Variants in EFCAB6 observed in about 807,000 individuals in gnomAD.
EFCAB6 encodes the protein EF-hand calcium-binding domain-containing protein 6.
EFCAB6 carries 156 observed loss-of-function variants against 169.8 expected under a neutral mutation model. The observed-to-expected ratio is 0.92, with a 90% CI of 0.81 to 1.05. The LOEUF (loss-of-function observed/expected upper bound fraction) is 1.05. Among genes scored for constraint, EFCAB6 ranks in the 50% least tolerant of loss-of-function variants. The pLI is 0.00. For missense variants in EFCAB6, 1,800 were observed against 1,829.1 expected (o/e 0.98, Z 0.29); for synonymous variants, 698 against 676.4 (o/e 1.03, Z -0.50).
chr22:43,741,214 C>A (rs950332506), intron 6 of EFCAB6, among the ~76,000 whole-genome samples: 3 of 152,076 alleles, frequency 2.0e-5, no homozygotes, highest in East Asian at 1.9e-4. Flanking sequence ...CTCCCAGCCA[C>A]GGTCTCCGGG....
rs12160385 is a variant in EFCAB6, at chr22:43,667,043, T to C, written c.1983+61A>G. On this transcript the variant is annotated intron_variant, in intron 17 of 31. Transcript: ENST00000262726. ...TAAGCCATTGTCCTTTAAAGTATGT[T>C]AGTATAAGAAAACAGCTGAACTTCT... 2,423 of 1,553,710 alleles carry C rather than the reference T, an allele frequency of 1.6e-3. 33 individuals are homozygous for C. In the African/African-American group the frequency reaches 0.03, roughly 19 times the overall value.
intron 4 of EFCAB6, among the ~76,000 whole-genome samples, chr22:43,766,136 T>C (rs2061320487): frequency 6.6e-6 from 1 of 152,194 alleles, no homozygotes; most frequent in East Asian, 1.9e-4. Flanking sequence ...CCCCGGTTCA[T>C]GCAATTCTCC....
At chr22:43,761,988 G>T (rs1320165838) in intron 5 of EFCAB6, among the ~76,000 whole-genome samples, 1 of 152,144 alleles carries the variant, frequency 6.6e-6, no homozygotes, top group Non-Finnish European at 1.5e-5. Context: ...TGTGTGATCT[G>T]ATGTTACTTG....
At chr22:43,578,645 T>G (rs1259987738) in intron 25 of EFCAB6, among the ~76,000 whole-genome samples, 1 of 152,056 alleles carries the variant, frequency 6.6e-6, no homozygotes, top group South Asian at 2.1e-4. Context: ...ATTCCATACA[T>G]GTAGGCATCA....
intron 26 of EFCAB6, among the ~76,000 whole-genome samples, chr22:43,564,285 A>T (rs2049275624): frequency 6.6e-6 from 1 of 150,564 alleles, no homozygotes. Flanking sequence ...CCATCTCTAC[A>T]AAAAATACAA....
chr22:43,773,719 T>A (rs1267985367), intron 3 of EFCAB6, among the ~76,000 whole-genome samples: 1 of 152,174 alleles, frequency 6.6e-6, no homozygotes, highest in Non-Finnish European at 1.5e-5. Flanking sequence ...TGGTGGCACA[T>A]GCCTGTAATC....
intron 27 of EFCAB6, among the ~76,000 whole-genome samples, chr22:43,546,973 G>A (rs895652262): frequency 1.3e-5 from 2 of 152,020 alleles, no homozygotes; most frequent in Admixed American, 1.3e-4. Context: ...TAAAAACTGG[G>A]CGAACTTAAG....
chr22:43,632,596 G>A (rs551198990), intron 18 of EFCAB6, among the ~76,000 whole-genome samples: 7 of 152,272 alleles, frequency 4.6e-5, no homozygotes, highest in East Asian at 3.9e-4. Flanking sequence ...CACCACACCC[G>A]GCCCACTGGC....
intron 8 of EFCAB6, among the ~76,000 whole-genome samples, chr22:43,722,980 T>C (rs1475897522): frequency 1.3e-5 from 2 of 152,184 alleles, no homozygotes; most frequent in Non-Finnish European, 2.9e-5. Context: ...GCATGTTCTC[T>C]CTTATAAGTG....
chr22:43,592,242 G>A (rs1020674306), intron 23 of EFCAB6, among the ~76,000 whole-genome samples: 1 of 152,190 alleles, frequency 6.6e-6, no homozygotes, highest in Non-Finnish European at 1.5e-5. Context: ...CTGGCCTCCA[G>A]TTTGGAATTG....
rs1439151493 is a variant in EFCAB6 at position 43,744,649 on chromosome 22, G to A, written c.508-8656C>T. On this transcript the variant is annotated intron_variant, in intron 6 of 31. Transcript: ENST00000262726. The surrounding 1 kb of genome is among the most constrained non-coding windows in gnomAD (Gnocchi z 4.3). ...GCTGAGGGGGTCCAGAGGGGGCTAA[G>A]TCAGGGCTGATCTTCCTCAACAGGA... 6.6e-6 allele frequency among the ~76,000 whole-genome samples: 1 copy of A among 152,138 alleles called. No homozygotes were observed. The highest frequency in any genetic ancestry group is 1.5e-5 in the Non-Finnish European group (1 of 68,014).
chr22:43,638,457 C>A (rs1178950980), intron 17 of EFCAB6, among the ~76,000 whole-genome samples: 1 of 152,190 alleles, frequency 6.6e-6, no homozygotes, highest in Admixed American at 6.5e-5. Flanking sequence ...AGATTGTAGA[C>A]CGACTCTTCC....
intron 27 of EFCAB6, among the ~76,000 whole-genome samples, chr22:43,547,987 T>G (rs2048160251): frequency 6.6e-6 from 1 of 151,830 alleles, no homozygotes; most frequent in African/African-American, 2.4e-5. Context: ...TCCCAGCTAC[T>G]TGGGAGGCTG....
rs773845286 is a variant in EFCAB6, at chr22:43,744,484, C to T, written c.508-8491G>A. On this transcript the variant is annotated intron_variant, in intron 6 of 31. Coordinates refer to ENST00000262726, the MANE Select transcript of EFCAB6 (RefSeq NM_022785.4). This position sits in a 1 kb window ranked among gnomAD's most constrained non-coding sequence, Gnocchi z 4.3. ...GCCTGAACACCTATTTTGGTATGGA[C>T]GGGACTTGTGAATTTTCCATGGGTT... 1.3e-5 allele frequency among the ~76,000 whole-genome samples: 2 copies of T among 152,188 alleles called. No individual in the cohort carries two copies. The highest frequency in any genetic ancestry group is 1.9e-4 in the East Asian group (1 of 5,174).
intron 10 of EFCAB6, among the ~76,000 whole-genome samples, chr22:43,693,102 A>G (rs1055631609): frequency 6.6e-6 from 1 of 152,184 alleles, no homozygotes; most frequent in Non-Finnish European, 1.5e-5. Flanking sequence ...TGCCAAAAGA[A>G]AGCAAAAAGT....
At position 43,785,582 on chromosome 22, in the gene EFCAB6, T is replaced by G. The variant is rs566414637; in HGVS notation, c.-7-3257A>C. On this transcript the variant is annotated intron_variant, in intron 2 of 31. Coordinates refer to ENST00000262726, the MANE Select transcript of EFCAB6 (RefSeq NM_022785.4). ...AGAAGAAAATCTCAAATTACTAACC[T>G]GTTTATTCCTTAAGAAACTAGAAAA... Among the ~76,000 whole-genome samples the G allele has an allele frequency of 1.7e-3, 261 of 150,738 alleles. 3 individuals carry two copies. Among genetic ancestry groups the G allele is most frequent in the African/African-American group, 5.9e-3 (242 of 41,102 alleles).
chr22:43,711,394 TA>T, intron 10 of EFCAB6, 80 bp downstream of exon 10: 1 of 1,374,136 alleles, frequency 7.3e-7, no homozygotes, highest in Non-Finnish European at 9.6e-7. Flanking sequence ...AAAACATTAA[TA>T]AAAAATAAAC....
intron 17 of EFCAB6, among the ~76,000 whole-genome samples, chr22:43,658,179 T>C (rs2056837639): frequency 6.6e-6 from 1 of 151,788 alleles, no homozygotes; most frequent in Admixed American, 6.6e-5. Flanking sequence ...TTGCAGTGAG[T>C]AGAGATCGTG....
At position 43,626,675 on chromosome 22, in the gene EFCAB6, G is replaced by A. The variant is rs751624469; in HGVS notation, c.2237C>T (p.Pro746Leu). Residue 746 changes from proline (P) to leucine (L), a missense_variant, in exon 20 of 32, where the codon CCC becomes CTC. By Grantham distance (98) the Pro-to-Leu change is moderately conservative (BLOSUM62 -3). Transcript: ENST00000262726. ...ATCTGTTTTAAAGAAGGCAGAGTAGGGGTCCTAAAAACAAAACACACACGT... is the reference window on the plus strand; with the variant it reads ...ATCTGTTTTAAAGAAGGCAGAGTAGAGGTCCTAAAAACAAAACACACACGT... The part of the protein sequence containing the change: ...PRRLKESFRD[P>L]YSAFFKTDAD... 1.2e-5 allele frequency: 20 copies of A among 1,613,946 alleles called. 1 individual carries two copies. In the South Asian group the frequency reaches 2.1e-4, roughly 17 times the overall value.
Sources: allele counts gnomAD v4.1 joint callset (sites outside exome capture counted in the v4.1 genomes callset), GRCh38; gene constraint gnomAD v4.1.1; non-coding constraint Gnocchi (gnomAD v3.1); transcripts MANE v1.5; gene names NCBI Gene and HGNC (gene_info 2026-07-23, HGNC 2026-07-21).